Variants in MDGA2 observed in about 807,000 individuals in gnomAD.
The protein encoded by MDGA2 is MAM domain-containing glycosylphosphatidylinositol anchor protein 2.
Under a neutral mutation model 117.8 loss-of-function variants are expected in MDGA2, and 40 were observed. The observed-to-expected ratio is 0.34, with a 90% CI of 0.26 to 0.44. The LOEUF (loss-of-function observed/expected upper bound fraction) is 0.44. MDGA2 is among the 20% of genes least tolerant of loss of function. MDGA2 has a pLI of 1.00. For missense variants in MDGA2, 1,123 were observed against 1,250.6 expected (o/e 0.90, Z 1.54); for synonymous variants, 452 against 439.0 (o/e 1.03, Z -0.37).
At chr14:46,866,313 T>C (rs1881757713) in intron 14 of MDGA2, among the ~76,000 whole-genome samples, 1 of 152,126 alleles carries the variant, frequency 6.6e-6, no homozygotes, top group Non-Finnish European at 1.5e-5. Context: ...ATTTAATAAA[T>C]GGTGCTGGGA....
chr14:47,379,443 G>T (rs1226164634), intron 1 of MDGA2, among the ~76,000 whole-genome samples: 1 of 152,158 alleles, frequency 6.6e-6, no homozygotes, highest in Non-Finnish European at 1.5e-5. Flanking sequence ...AAAGAGTGAA[G>T]ACCCATCAGT....
At chr14:47,635,379 TATC>T (rs546340160) in intron 1 of MDGA2, among the ~76,000 whole-genome samples, 5 of 152,282 alleles carry the variant, frequency 3.3e-5, no homozygotes, top group South Asian at 2.1e-4. Context: ...TTGAATATGA[TATC>T]ATCAATTTAT....
At chr14:47,390,440 A>C (rs1891868439) in intron 1 of MDGA2, among the ~76,000 whole-genome samples, 1 of 152,138 alleles carries the variant, frequency 6.6e-6, no homozygotes, top group Non-Finnish European at 1.5e-5. Flanking sequence ...CTTCCATCGT[A>C]AAGATACTAT....
At chr14:47,611,104 G>A (rs976928867) in intron 1 of MDGA2, among the ~76,000 whole-genome samples, 1 of 151,892 alleles carries the variant, frequency 6.6e-6, no homozygotes, top group Non-Finnish European at 1.5e-5. Context: ...AACATAAAGT[G>A]GAAAAAGGAC....
intron 6 of MDGA2, among the ~76,000 whole-genome samples, chr14:47,090,058 T>C (rs1594609078): frequency 2.6e-5 from 4 of 152,264 alleles, no homozygotes; most frequent in African/African-American, 9.6e-5. Context: ...CTTTTTGTAA[T>C]AAGCATAAAG....
At chr14:46,974,090 C>CA (rs140951016) in intron 8 of MDGA2, among the ~76,000 whole-genome samples, 5,341 of 150,436 alleles carry the variant, frequency 0.036, 308 homozygotes, top group African/African-American at 0.12. Context: ...AAAGAAATTA[C>CA]AAAAAAAATC....
chr14:47,351,412 C>G lies in MDGA2; in HGVS notation c.281-49862G>C, dbSNP rs979985424. 1.4e-4 allele frequency among the ~76,000 whole-genome samples: 22 copies of G among 152,100 alleles called. 1 individual carries two copies. The highest frequency in any genetic ancestry group is 5.3e-4 in the African/African-American group (22 of 41,444). Reference sequence around the variant, plus strand: ...ACATCTTGAATTTCATGATGGGCACCAAACTGACAGCTGCCAAAAATATCA... The same window carrying G: ...ACATCTTGAATTTCATGATGGGCACGAAACTGACAGCTGCCAAAAATATCA... On this transcript the variant is annotated intron_variant, in intron 1 of 16. Transcript: ENST00000399232.
chr14:47,602,910 CA>C (rs1462599533), intron 1 of MDGA2, among the ~76,000 whole-genome samples: 34 of 152,218 alleles, frequency 2.2e-4, no homozygotes, highest in Non-Finnish European at 5.9e-5. Flanking sequence ...CACTGGAGTC[CA>C]AGTGAAGTAC....
At chr14:47,027,809 A>G (rs1049611654) in intron 8 of MDGA2, among the ~76,000 whole-genome samples, 1 of 151,982 alleles carries the variant, frequency 6.6e-6, no homozygotes, top group African/African-American at 2.4e-5. Context: ...CAGTTCAACT[A>G]AAGTATATTC....
chr14:47,297,418 G>T lies in MDGA2; in HGVS notation c.420+3993C>A, dbSNP rs1051319387. ...AAGAAGAAAGAGGAAGGGAGGGGAGGAGAGGGGAGTGGAGGGGAGTGAAGG... is the reference window on the plus strand; with the variant it reads ...AAGAAGAAAGAGGAAGGGAGGGGAGTAGAGGGGAGTGGAGGGGAGTGAAGG... On this transcript the variant is annotated intron_variant, in intron 2 of 16. Coordinates refer to ENST00000399232, the MANE Select transcript of MDGA2 (RefSeq NM_001113498.3). 2.0e-5 allele frequency among the ~76,000 whole-genome samples: 3 copies of T among 148,808 alleles called. No individual in the cohort carries two copies. In the Admixed American group the frequency reaches 2.0e-4, roughly 10 times the overall value.
intron 1 of MDGA2, among the ~76,000 whole-genome samples, chr14:47,517,306 A>C (rs1055835664): frequency 6.6e-6 from 1 of 152,158 alleles, no homozygotes; most frequent in African/African-American, 2.4e-5. Flanking sequence ...TCCGAAGGAA[A>C]ATTATGATGT....
In MDGA2 at chr14:47,669,198, A is replaced by T. The variant is rs577198167; in HGVS notation, c.280+5319T>A. Among the ~76,000 whole-genome samples, 16 of 152,326 alleles carry T rather than the reference A, an allele frequency of 1.1e-4. 1 individual carries two copies. In the South Asian group the frequency reaches 3.1e-3, roughly 30 times the overall value. Reference sequence around the variant, plus strand: ...TCTCAACCAGGGTTTAAGGTGTTTCACAACTATAAAACAAAAATAAAAATA... The same window carrying T: ...TCTCAACCAGGGTTTAAGGTGTTTCTCAACTATAAAACAAAAATAAAAATA... On this transcript the variant is annotated intron_variant, in intron 1 of 16. Coordinates refer to ENST00000399232, the MANE Select transcript of MDGA2 (RefSeq NM_001113498.3).
chr14:46,947,849 C>T (rs1291798576), intron 9 of MDGA2, among the ~76,000 whole-genome samples: 2 of 151,540 alleles, frequency 1.3e-5, no homozygotes, highest in Non-Finnish European at 2.9e-5. Context: ...AAAAAAAAAT[C>T]TCAGTTATTA....
At chr14:46,920,442 A>C (rs562644654) in intron 9 of MDGA2, among the ~76,000 whole-genome samples, 1 of 152,340 alleles carries the variant, frequency 6.6e-6, no homozygotes, top group Non-Finnish European at 1.5e-5. Flanking sequence ...TGAAATCTGG[A>C]GAAAGAAGAT....
intron 2 of MDGA2, among the ~76,000 whole-genome samples, chr14:47,297,797 A>G (rs1889128323): frequency 6.6e-6 from 1 of 152,220 alleles, no homozygotes; most frequent in African/African-American, 2.4e-5. Flanking sequence ...ATTTAAATGC[A>G]TGTAATTTAA....
At chr14:47,175,680 C>G (rs955747261) in intron 3 of MDGA2, among the ~76,000 whole-genome samples, 4 of 150,348 alleles carry the variant, frequency 2.7e-5, no homozygotes, top group African/African-American at 7.4e-5. Context: ...ATGACAAACC[C>G]ACAGCCAATA....
At chr14:46,867,044 A>G (rs976227568) in intron 14 of MDGA2, among the ~76,000 whole-genome samples, 1 of 151,828 alleles carries the variant, frequency 6.6e-6, no homozygotes, top group Non-Finnish European at 1.5e-5. Context: ...ATTACTGGGT[A>G]TATACTCAAA....
chr14:47,251,931 G>GTATCAT (rs1555367010), intron 2 of MDGA2, among the ~76,000 whole-genome samples: 56 of 150,390 alleles, frequency 3.7e-4, no homozygotes, highest in African/African-American at 6.3e-4. Flanking sequence ...GGTTTCTCTT[G>GTATCAT]TATTATTATT....
intron 1 of MDGA2, among the ~76,000 whole-genome samples, chr14:47,474,568 C>G (rs985691372): frequency 6.6e-6 from 1 of 152,138 alleles, no homozygotes; most frequent in African/African-American, 2.4e-5. Flanking sequence ...AGGCATCATG[C>G]TACCTCACTT....
Sources: allele counts gnomAD v4.1 joint callset (sites outside exome capture counted in the v4.1 genomes callset), GRCh38; gene constraint gnomAD v4.1.1; transcripts MANE v1.5; gene names NCBI Gene and HGNC (gene_info 2026-07-23, HGNC 2026-07-21).